DGKK: variants seen among roughly 807,000 people sequenced by gnomAD.
The protein encoded by DGKK is 142 kDa diacylglycerol kinase.
In DGKK, 35 loss-of-function variants were observed where a neutral mutation model predicts 92.2. The observed-to-expected ratio is 0.38, with a 90% CI of 0.29 to 0.50. The LOEUF (loss-of-function observed/expected upper bound fraction) is 0.50. DGKK is among the 20% of genes least tolerant of loss of function. The pLI, the probability that DGKK is intolerant of heterozygous loss-of-function variation, is 0.92. For missense variants in DGKK, 910 were observed against 992.2 expected, an observed-to-expected ratio of 0.92 and a Z score of 1.11; for synonymous variants, 368 against 360.6, an observed-to-expected ratio of 1.02 and a Z score of -0.23.
At chrX:50,422,597 AACAC>A (rs59226442) in intron 2 of DGKK, 71 bp from the exon 3 acceptor site, 3,985 of 346,304 alleles carry the variant, frequency 0.012, 25 homozygotes, top group African/African-American at 0.032. Flanking sequence ...TTAAAAGGTA[AACAC>A]ACACACACAC....
intron 15 of DGKK, among the ~76,000 whole-genome samples, chrX:50,385,050 G>GT (rs1223996025): frequency 8.9e-6 from 1 of 111,987 alleles, no homozygotes; most frequent in Non-Finnish European, 1.9e-5. Context: ...CAGTGTTGCT[G>GT]TTTTTTCATA....
chrX:50,451,186 GA>G (rs1926486208), intron 1 of DGKK, among the ~76,000 whole-genome samples: 1 of 111,052 alleles, frequency 9.0e-6, no homozygotes, highest in Non-Finnish European at 1.9e-5. Flanking sequence ...CTATGAATGG[GA>G]AAAAAACTCT....
chrX:50,395,406 C>T (rs1344580652), intron 8 of DGKK, among the ~76,000 whole-genome samples: 2 of 111,418 alleles, frequency 1.8e-5, no homozygotes, highest in African/African-American at 6.5e-5. Flanking sequence ...TTCTTGCCAA[C>T]ATCTAGTGGC....
Position 50,374,986 on chromosome X carries a change from G to A in DGKK, c.3486C>T (p.Phe1162=). 2.5e-6 allele frequency: 3 copies of A among 1,207,292 alleles called. No individual in the cohort carries two copies. Among genetic ancestry groups the A allele is most frequent in the Non-Finnish European group, 3.4e-6 (3 of 892,153 alleles). ...CTGCACTCACCAGCTTTTCATCCAG[G>A]AAAGCTGTGGTGTCATCGTAGAGAC... The part of the protein sequence containing the change: ...LKGLYDDTTA[F]LDEKLLRSAE... Residue 1162 remains phenylalanine (F), a synonymous_variant, in exon 25 of 28, where the codon TTC becomes TTT. Transcript: ENST00000611977.
chrX:50,385,242 G>A (rs1924516614), intron 15 of DGKK, among the ~76,000 whole-genome samples: 1 of 111,320 alleles, frequency 9.0e-6, no homozygotes, highest in South Asian at 3.8e-4. Context: ...TGAGCCTCTA[G>A]GACTGTGCCA....
In DGKK at chrX:50,378,189, G is replaced by A. The variant is rs1216424046; in HGVS notation, c.3020C>T (p.Pro1007Leu). 8.3e-7 allele frequency: 1 copy of A among 1,208,419 alleles called. No individual in the cohort carries two copies. The highest frequency in any genetic ancestry group is 1.1e-6 in the Non-Finnish European group (1 of 894,573). The change falls in exon 22 of 28, where the codon CCA (proline) becomes CTA (leucine). Residue 1007 changes from proline (P) to leucine (L), a missense_variant. Pro to Leu is a moderately conservative substitution (Grantham distance 98). Transcript: ENST00000611977. ...MITIDGEEGI[P>L]VQVDGEAWIQ... ...CCAGGCCTCCCCATCCACCTGCACT[G>A]GGATACCTTCTTCACCATCAATGGT...
intron 9 of DGKK, 38 bp downstream of exon 9, chrX:50,393,114 C>A: frequency 1.8e-6 from 2 of 1,117,775 alleles, no homozygotes; most frequent in South Asian, 2.0e-5. Flanking sequence ...GGAAGACTCC[C>A]TTACATACCC....
chrX:50,370,311 C>T (rs1290937001), intron 27 of DGKK, 115 bp downstream of exon 27: 16 of 967,119 alleles, frequency 1.7e-5, no homozygotes, highest in Non-Finnish European at 2.1e-5. Flanking sequence ...GATGGCCTCC[C>T]GCTTCATCAT....
intron 12 of DGKK, among the ~76,000 whole-genome samples, chrX:50,390,063 A>G (rs1924646587): frequency 8.9e-6 from 1 of 112,441 alleles, no homozygotes; most frequent in South Asian, 3.7e-4. Flanking sequence ...TTTACCCAGT[A>G]GCATATAAGA....
chrX:50,400,905 A>G, intron 8 of DGKK, 132 bp downstream of exon 8: 1 of 558,371 alleles, frequency 1.8e-6, no homozygotes, highest in Non-Finnish European at 3.0e-6. Context: ...ATCTATATAC[A>G]CATGCACAGT....
intron 18 of DGKK, among the ~76,000 whole-genome samples, chrX:50,381,293 C>T (rs138999663): frequency 0.015 from 1,644 of 110,848 alleles, 31 homozygotes; most frequent in African/African-American, 0.052. Flanking sequence ...AATGGTGAAA[C>T]TCCGTCTCTA....
chrX:50,419,983 T>C (rs1365024078), intron 4 of DGKK, among the ~76,000 whole-genome samples: 2 of 112,303 alleles, frequency 1.8e-5, no homozygotes, highest in African/African-American at 6.5e-5. Flanking sequence ...GTTTCACTAC[T>C]GAATAGTGAT....
rs1927018720 is a variant in DGKK, at chrX:50,470,093, A to T, written c.586T>A (p.Ser196Thr). Residue 196 changes from serine (S) to threonine (T), a missense_variant, in exon 1 of 28, where the codon TCG becomes ACG. By Grantham distance (58) the Ser-to-Thr change is moderately conservative. Coordinates refer to ENST00000611977, the MANE Select transcript of DGKK (RefSeq NM_001013742.4). ...VDTRERGLKT[S>T]PSPSPSPSPR... ...GATGGCGATGGCGATGGCGATGGCG[A>T]GGTCTTTAGACCTCTCTCTCGAGTG... The T allele has an allele frequency of 8.3e-7, 1 of 1,210,569 alleles. No individual in the cohort carries two copies. The highest frequency in any genetic ancestry group is 1.1e-6 in the Non-Finnish European group (1 of 894,905).
chrX:50,436,272 G>A (rs1223217308), intron 1 of DGKK, among the ~76,000 whole-genome samples: 8 of 112,258 alleles, frequency 7.1e-5, no homozygotes, highest in African/African-American at 2.3e-4. Flanking sequence ...GAAGGACTAT[G>A]CTAATCATGT....
chrX:50,381,903 G>A (rs1045257200), intron 18 of DGKK, among the ~76,000 whole-genome samples: 1 of 111,532 alleles, frequency 9.0e-6, no homozygotes, highest in Non-Finnish European at 1.9e-5. Flanking sequence ...AGAGGTTCTA[G>A]TGGTGGTGGC....
intron 8 of DGKK, among the ~76,000 whole-genome samples, chrX:50,399,238 CTGTG>C (rs5902471): frequency 2.5e-4 from 26 of 106,081 alleles, no homozygotes; most frequent in South Asian, 4.1e-4. Context: ...TCTAGAGTGG[CTGTG>C]TGTGTGTGTG....
At chrX:50,462,823 T>C (rs1374226812) in intron 1 of DGKK, among the ~76,000 whole-genome samples, 1 of 106,043 alleles carries the variant, frequency 9.4e-6, no homozygotes, top group Non-Finnish European at 2.0e-5. Context: ...AAACAGTTTA[T>C]TGGGAAAAAT....
chrX:50,447,169 C>T (rs1453631804), intron 1 of DGKK, among the ~76,000 whole-genome samples: 4 of 93,722 alleles, frequency 4.3e-5, no homozygotes, highest in Non-Finnish European at 8.3e-5. Flanking sequence ...AATAGGGAAG[C>T]ATGACTATTG....
chrX:50,451,755 A>G (rs1926500036), intron 1 of DGKK, among the ~76,000 whole-genome samples: 1 of 111,613 alleles, frequency 9.0e-6, no homozygotes, highest in Non-Finnish European at 1.9e-5. Flanking sequence ...ACTCAGAAAT[A>G]CTTGTTGAAT....
Sources: gnomAD v4.1 joint callset for allele counts (sites outside exome capture counted in the v4.1 genomes callset) on GRCh38, gnomAD v4.1.1 for gene constraint, MANE v1.5 for transcripts, NCBI Gene and HGNC (gene_info 2026-07-23, HGNC 2026-07-21) for gene names.